NRG1: variants seen among roughly 807,000 people sequenced by gnomAD.
NRG1 encodes the protein pro-neuregulin-1, membrane-bound isoform.
Under a neutral mutation model 63.8 loss-of-function variants are expected in NRG1, and 18 were observed. That is an observed-to-expected ratio of 0.28 (90% CI 0.19 to 0.42). The LOEUF is 0.42. Ranked by LOEUF, NRG1 falls within the 10% of genes least tolerant of loss-of-function variation. The probability of loss-of-function intolerance (pLI) is 1.00; values close to 1 mark genes in which losing one functional copy is unlikely to be tolerated. For missense variants in NRG1, 762 were observed against 814.7 expected, an observed-to-expected ratio of 0.94 and a Z score of 0.79; for synonymous variants, 302 against 301.3, an observed-to-expected ratio of 1.00 and a Z score of -0.02.
chr8:32,472,209 C>T (rs1823933834), intron 1 of NRG1, among the ~76,000 whole-genome samples: 1 of 152,118 alleles, frequency 6.6e-6, no homozygotes, highest in East Asian at 1.9e-4. Context: ...CTCACTCTGT[C>T]GCCCAGGCTA....
At chr8:31,847,537 TA>T (rs1201161276) in intron 1 of NRG1, among the ~76,000 whole-genome samples, 1 of 152,196 alleles carries the variant, frequency 6.6e-6, no homozygotes, top group African/African-American at 2.4e-5. Context: ...TATTGAGCAA[TA>T]AAAGAAATGT....
At chr8:32,760,666 C>T in intron 11 of NRG1, 3 of 1,264,778 alleles carry the variant, frequency 2.4e-6, no homozygotes, top group Non-Finnish European at 3.0e-6. Context: ...AGGTGCAGCA[C>T]ATGGAGTTTC....
chr8:32,133,854 G>C (rs958613699), intron 1 of NRG1, among the ~76,000 whole-genome samples: 2 of 152,116 alleles, frequency 1.3e-5, no homozygotes, highest in Non-Finnish European at 2.9e-5. Context: ...TCTTAGGCCT[G>C]TTCATAGATT....
intron 1 of NRG1, among the ~76,000 whole-genome samples, chr8:32,002,985 T>C (rs749958901): frequency 6.6e-6 from 1 of 152,052 alleles, no homozygotes; most frequent in Admixed American, 6.6e-5. Flanking sequence ...TATTGTATGC[T>C]TGTAGCTGAA....
At chr8:32,433,102 A>G (rs1587624847) in intron 1 of NRG1, among the ~76,000 whole-genome samples, 1 of 152,066 alleles carries the variant, frequency 6.6e-6, no homozygotes, top group South Asian at 2.1e-4. Flanking sequence ...TTTGACTTGG[A>G]CAGTCATTGT....
chr8:31,669,201 C>T (rs1806852621), intron 1 of NRG1, among the ~76,000 whole-genome samples: 1 of 151,564 alleles, frequency 6.6e-6, no homozygotes, highest in Admixed American at 6.6e-5. Flanking sequence ...GATGGGTCTA[C>T]AGGCCTGCAG....
Position 31,640,791 on chromosome 8 carries a change from G to T in NRG1, c.37+1360G>T, listed in dbSNP as rs371875030. 1.2e-5 allele frequency: 17 copies of T among 1,438,068 alleles called. No individual in the cohort carries two copies. The highest frequency in any genetic ancestry group is 2.7e-5 in the East Asian group (1 of 37,262). The allele number at this position is 1,438,068 out of a possible 1,614,324, so 89.1% of individuals were successfully genotyped here. A position where few individuals can be genotyped will look rare whatever the true frequency, so the allele number is the denominator to read the frequency against. ...GAGGAGGGCGCATCCCGGGCGCGCG[G>T]GCAGCGGGGCTCGACGGCCGCCCGA... On this transcript the variant is annotated intron_variant, in intron 1 of 10. Coordinates refer to the NRG1 transcript ENST00000519301. This position sits in a 1 kb window ranked among gnomAD's most constrained non-coding sequence, Gnocchi z 6.3.
At chr8:32,420,153 A>G (rs760576056) in intron 1 of NRG1, among the ~76,000 whole-genome samples, 17 of 152,082 alleles carry the variant, frequency 1.1e-4, no homozygotes, top group Non-Finnish European at 2.4e-4. Context: ...TATGACAAGG[A>G]CTTTCAGTGT....
chr8:32,055,535 C>A (rs912019470), intron 1 of NRG1, among the ~76,000 whole-genome samples: 1 of 152,074 alleles, frequency 6.6e-6, no homozygotes, highest in Admixed American at 6.6e-5. Context: ...CAAAGCATTT[C>A]TCAGAAGACA....
At chr8:32,566,826 G>A (rs1204760424) in intron 1 of NRG1, among the ~76,000 whole-genome samples, 1 of 147,622 alleles carries the variant, frequency 6.8e-6, no homozygotes, top group African/African-American at 2.5e-5. Context: ...CTAAGTTAGG[G>A]ATTTTCAGAA....
intron 1 of NRG1, among the ~76,000 whole-genome samples, chr8:31,697,232 G>A (rs1478748137): frequency 6.6e-6 from 1 of 152,106 alleles, no homozygotes; most frequent in Non-Finnish European, 1.5e-5. Flanking sequence ...TTTGCAAATT[G>A]AATCATTGGA....
chr8:31,761,601 G>T (rs1471382600), intron 1 of NRG1, among the ~76,000 whole-genome samples: 1 of 152,108 alleles, frequency 6.6e-6, no homozygotes, highest in Non-Finnish European at 1.5e-5. Context: ...CAGAGGAGAG[G>T]GAGTGAGATA....
intron 1 of NRG1, among the ~76,000 whole-genome samples, chr8:32,480,493 A>AC (rs1195686091): frequency 2.0e-5 from 3 of 151,832 alleles, no homozygotes; most frequent in Non-Finnish European, 4.4e-5. Context: ...ACAAAAACAA[A>AC]AAAAACAAAA....
intron 1 of NRG1, among the ~76,000 whole-genome samples, chr8:32,507,360 G>C (rs1273798387): frequency 6.6e-6 from 1 of 152,144 alleles, no homozygotes; most frequent in Non-Finnish European, 1.5e-5. Context: ...AATGTCCAAA[G>C]AAGAGACTGA....
intron 1 of NRG1, among the ~76,000 whole-genome samples, chr8:32,530,147 G>A (rs137866137): frequency 0.011 from 1,621 of 150,888 alleles, 29 homozygotes; most frequent in African/African-American, 0.037. Flanking sequence ...TCACTCTGTC[G>A]CCCAGGCTGG....
At chr8:31,729,628 A>T (rs1813815937) in intron 1 of NRG1, among the ~76,000 whole-genome samples, 1 of 152,130 alleles carries the variant, frequency 6.6e-6, no homozygotes, top group South Asian at 2.1e-4. Flanking sequence ...TCTGAAGAGT[A>T]TTTTTGTATC....
intron 1 of NRG1, among the ~76,000 whole-genome samples, chr8:31,832,554 C>T (rs1825272368): frequency 6.6e-6 from 1 of 152,052 alleles, no homozygotes. Context: ...CCATCGTGCC[C>T]AACCATAGAT....
chr8:31,779,534 A>C (rs1265555605), intron 1 of NRG1, among the ~76,000 whole-genome samples: 1 of 152,218 alleles, frequency 6.6e-6, no homozygotes, highest in Admixed American at 6.5e-5. Flanking sequence ...TATTGAGCCA[A>C]AATTTCCACT....
chr8:32,316,549 C>G (rs376910126), intron 1 of NRG1, among the ~76,000 whole-genome samples: 1 of 151,798 alleles, frequency 6.6e-6, no homozygotes, highest in African/African-American at 2.4e-5. Context: ...ATACTTGTGC[C>G]GGGAAGCAAA....
Sources: allele counts gnomAD v4.1 joint callset (sites outside exome capture counted in the v4.1 genomes callset), GRCh38; gene constraint gnomAD v4.1.1; non-coding constraint Gnocchi (gnomAD v3.1); transcripts MANE v1.5; gene names NCBI Gene and HGNC (gene_info 2026-07-23, HGNC 2026-07-21).